PSME4: variants seen among roughly 807,000 people sequenced by gnomAD.
The protein encoded by PSME4 is proteasome activator subunit 4.
Under a neutral mutation model 253.9 loss-of-function variants are expected in PSME4, and 89 were observed. The observed-to-expected ratio is 0.35, with a 90% CI of 0.30 to 0.42. The LOEUF is 0.42. PSME4 is among the 10% of genes least tolerant of loss of function. The probability of loss-of-function intolerance (pLI) is 1.00; values close to 1 mark genes in which losing one functional copy is unlikely to be tolerated. For missense variants in PSME4, 2,014 were observed against 2,195.2 expected, an observed-to-expected ratio of 0.92 and a Z score of 1.65; for synonymous variants, 851 against 759.2, an observed-to-expected ratio of 1.12 and a Z score of -1.99.
At chr2:53,955,146 G>C (rs948532422) in intron 1 of PSME4, among the ~76,000 whole-genome samples, 1 of 152,070 alleles carries the variant, frequency 6.6e-6, no homozygotes, top group Admixed American at 6.5e-5. Flanking sequence ...ATTTCAGCCT[G>C]GGTAACAGAG....
intron 27 of PSME4, among the ~76,000 whole-genome samples, chr2:53,902,326 A>G (rs1357191138): frequency 6.6e-6 from 1 of 152,202 alleles, no homozygotes; most frequent in African/African-American, 2.4e-5. Flanking sequence ...ATTACTCATA[A>G]AAGTCCAATT....
chr2:53,905,211 G>A (rs959581335), intron 26 of PSME4, among the ~76,000 whole-genome samples: 1 of 151,422 alleles, frequency 6.6e-6, no homozygotes, highest in Non-Finnish European at 1.5e-5. Context: ...TGTATTTTTA[G>A]TAGGGAGGGG....
At chr2:53,958,664 T>A (rs1451128493) in intron 1 of PSME4, among the ~76,000 whole-genome samples, 1 of 151,986 alleles carries the variant, frequency 6.6e-6, no homozygotes, top group African/African-American at 2.4e-5. Flanking sequence ...TGAATCTAGA[T>A]CAAAAGAATA....
chr2:53,897,157 T>C (rs1267844022), intron 31 of PSME4, among the ~76,000 whole-genome samples: 2 of 148,554 alleles, frequency 1.3e-5, no homozygotes, highest in South Asian at 2.1e-4. Context: ...CTTCAAATCT[T>C]AGCCTCAGGG....
chr2:53,929,003 C>A (rs1388002792), intron 10 of PSME4, among the ~76,000 whole-genome samples: 1 of 151,938 alleles, frequency 6.6e-6, no homozygotes, highest in Non-Finnish European at 1.5e-5. Flanking sequence ...CTGCCTCTAC[C>A]ATGAATACAA....
intron 43 of PSME4, among the ~76,000 whole-genome samples, chr2:53,873,687 G>A (rs933833589): frequency 6.6e-6 from 1 of 152,178 alleles, no homozygotes; most frequent in Non-Finnish European, 1.5e-5. Context: ...TAAGTCTACT[G>A]GATAGCAGCG....
chr2:53,941,584 A>G (rs1057184152), intron 3 of PSME4, among the ~76,000 whole-genome samples: 75 of 152,178 alleles, frequency 4.9e-4, no homozygotes, highest in African/African-American at 1.7e-3. Context: ...TTGATTTGTA[A>G]TAATAAACAT....
At chr2:53,874,761 A>G (rs928519713) in intron 42 of PSME4, among the ~76,000 whole-genome samples, 2 of 152,178 alleles carry the variant, frequency 1.3e-5, no homozygotes, top group African/African-American at 4.8e-5. Context: ...CCTGGCCAAC[A>G]TGGTGAAACC....
Position 53,940,980 on chromosome 2 carries a change from T to A in PSME4, c.501-980A>T, listed in dbSNP as rs55778437. The stretch of plus-strand genomic sequence containing the variant: ...ATATATATATATATATATATATATA[T>A]ATATATATATATATATATATGAAAG... On this transcript the variant is annotated intron_variant, in intron 3 of 46. Transcript: ENST00000404125. Among the ~76,000 whole-genome samples the A allele has an allele frequency of 1.4e-3, 102 of 73,274 alleles. 4 individuals are homozygous for A. The highest frequency in any genetic ancestry group is 1.8e-3 in the Non-Finnish European group (57 of 31,298). The allele number at this position is 73,274 out of a possible 152,430, so 48.1% of individuals were successfully genotyped here. A position where few individuals can be genotyped will look rare whatever the true frequency, so the allele number is the denominator to read the frequency against.
chr2:53,873,341 T>C (rs1678982705), intron 43 of PSME4, among the ~76,000 whole-genome samples: 1 of 151,702 alleles, frequency 6.6e-6, no homozygotes, highest in African/African-American at 2.4e-5. Flanking sequence ...AATAGACTCA[T>C]TAGGGAGGTA....
chr2:53,960,412 A>C (rs1670431812), intron 1 of PSME4, among the ~76,000 whole-genome samples: 1 of 152,084 alleles, frequency 6.6e-6, no homozygotes, highest in South Asian at 2.1e-4. Context: ...AAAAAAAAAA[A>C]AAAAGGCACA....
chr2:53,938,685 A>G (rs1276464583), intron 4 of PSME4, among the ~76,000 whole-genome samples: 1 of 152,192 alleles, frequency 6.6e-6, no homozygotes, highest in East Asian at 1.9e-4. Flanking sequence ...TCTTTCAAAT[A>G]GACTTATAGG....
At chr2:53,946,653 T>A (rs1285374291) in intron 3 of PSME4, among the ~76,000 whole-genome samples, 1 of 152,208 alleles carries the variant, frequency 6.6e-6, no homozygotes, top group East Asian at 1.9e-4. Flanking sequence ...CCCAGCACTT[T>A]GGGAGGCCAA....
chr2:53,962,155 T>G (rs1201339292), intron 1 of PSME4, among the ~76,000 whole-genome samples: 1 of 152,230 alleles, frequency 6.6e-6, no homozygotes, highest in African/African-American at 2.4e-5. Flanking sequence ...TTCTTCATTA[T>G]GGCTAGCAGA....
intron 35 of PSME4, 22 bp downstream of exon 35, chr2:53,893,652 G>T: frequency 6.2e-7 from 1 of 1,603,526 alleles, no homozygotes; most frequent in South Asian, 1.1e-5. Context: ...TTACAAAGAG[G>T]ATATGTAAAC....
rs1678560591 is a variant in PSME4 at position 53,866,279 on chromosome 2, T to C, written c.5398-56A>G. On this transcript the variant is annotated intron_variant, in intron 45 of 46. Transcript: ENST00000404125. Reference sequence around the variant, plus strand: ...ACCTCTCTGGACAACCAGGATCATATGTAGGATACTTTTAGTTAAATTACC... The same window carrying C: ...ACCTCTCTGGACAACCAGGATCATACGTAGGATACTTTTAGTTAAATTACC... 2.2e-5 allele frequency: 34 copies of C among 1,564,988 alleles called. No individual in the cohort carries two copies. In the South Asian group the frequency reaches 3.1e-4, roughly 14 times the overall value.
intron 12 of PSME4, 113 bp from the exon 13 acceptor site, chr2:53,926,136 G>C: frequency 1.3e-6 from 1 of 753,950 alleles, no homozygotes; most frequent in South Asian, 1.7e-5. Flanking sequence ...CATTATATTG[G>C]GTACTATGAG....
intron 10 of PSME4, among the ~76,000 whole-genome samples, chr2:53,930,834 T>C (rs181990115): frequency 1.1e-4 from 17 of 152,340 alleles, no homozygotes; most frequent in African/African-American, 3.8e-4. Flanking sequence ...GGCTAGATCC[T>C]TCTGGGTTCT....
chr2:53,932,012 G>A lies in PSME4; in HGVS notation c.1139C>T (p.Thr380Ile). Reference sequence around the variant, plus strand: ...AAGCTTGTGGCTATCAGGCACAGGAGTTAACCAAGAGGGCTTCTTGTATCT... The same window carrying A: ...AAGCTTGTGGCTATCAGGCACAGGAATTAACCAAGAGGGCTTCTTGTATCT... ...RERYKKPSWL[T>I]PVPDSHKLTD... The change falls in exon 10 of 47, where the codon ACT (threonine) becomes ATT (isoleucine). Residue 380 changes from threonine to isoleucine, a missense_variant. Around this residue, in one of 4 missense-constraint regions of PSME4, gnomAD observed 615 missense variants for 594.4 expected, o/e 1.03. Transcript: ENST00000404125. 4 of 1,613,752 alleles carry A rather than the reference G, an allele frequency of 2.5e-6. No homozygotes were observed. The highest frequency in any genetic ancestry group is 3.4e-6 in the Non-Finnish European group (4 of 1,179,640).
Sources: allele counts gnomAD v4.1 joint callset (sites outside exome capture counted in the v4.1 genomes callset), GRCh38; gene constraint gnomAD v4.1.1; regional missense constraint gnomAD v4.1.1; transcripts MANE v1.5; gene names NCBI Gene and HGNC (gene_info 2026-07-23, HGNC 2026-07-21).